Variants in TRPM3 observed in about 807,000 individuals in gnomAD.
TRPM3 encodes the protein transient receptor potential cation channel subfamily M member 3.
In TRPM3, 77 loss-of-function variants were observed where a neutral mutation model predicts 181.2. The observed-to-expected ratio is 0.42, with a 90% CI of 0.35 to 0.51. The LOEUF (loss-of-function observed/expected upper bound fraction) is 0.51, where lower values mean the gene tolerates loss of function less well. TRPM3 is among the 20% of genes least tolerant of loss of function. The probability of loss-of-function intolerance (pLI) is 0.01; values close to 1 mark genes in which losing one functional copy is unlikely to be tolerated. For synonymous variants in TRPM3, 745 were observed against 796.4 expected (o/e 0.94, Z 1.09); for missense variants, 1,759 against 2,196.7 (o/e 0.80, Z 3.98).
intron 22 of TRPM3, among the ~76,000 whole-genome samples, chr9:70,584,045 G>C (rs1163011191): frequency 1.3e-5 from 2 of 151,874 alleles, no homozygotes; most frequent in Non-Finnish European, 2.9e-5. Context: ...CTGCTTTCTT[G>C]TACCTTTTTT....
chr9:70,797,460 A>C (rs1178248600), intron 6 of TRPM3, among the ~76,000 whole-genome samples: 18 of 152,156 alleles, frequency 1.2e-4, no homozygotes. Flanking sequence ...TTTTAGGAAA[A>C]GCCCACTCCT....
At chr9:70,542,384 CT>C (rs1012822278) in intron 25 of TRPM3, among the ~76,000 whole-genome samples, 27 of 152,144 alleles carry the variant, frequency 1.8e-4, no homozygotes, top group African/African-American at 5.6e-4. Flanking sequence ...TGAAATTTCC[CT>C]CTTTCATATC....
intron 9 of TRPM3, among the ~76,000 whole-genome samples, chr9:70,654,075 T>G (rs1325351865): frequency 6.6e-6 from 1 of 151,758 alleles, no homozygotes; most frequent in African/African-American, 2.4e-5. Flanking sequence ...CTTGGCTCTT[T>G]TTTTTTTTCT....
Position 71,032,059 on chromosome 9 carries a change from T to A in TRPM3, c.177+89119A>T, listed in dbSNP as rs865855296. 0.07 allele frequency among the ~76,000 whole-genome samples: 93 copies of A among 1,332 alleles called. 15 individuals carry two copies. In the East Asian group the frequency reaches 0.75, roughly 11 times the overall value. 0.9% of individuals were successfully genotyped at this position (1,332 alleles called of 152,430 possible). On this transcript the variant is annotated intron_variant, in intron 1 of 25. Coordinates refer to ENST00000677713, the MANE Select transcript of TRPM3 (RefSeq NM_001366145.2). ...ATATATATATATATATTATATATAT[T>A]ATATATATTATATTATATTATATAT...
chr9:71,078,422 A>T (rs1164832869), intron 1 of TRPM3, among the ~76,000 whole-genome samples: 1 of 152,164 alleles, frequency 6.6e-6, no homozygotes, highest in African/African-American at 2.4e-5. Context: ...GGAATTTTTA[A>T]TAGTAATTGC....
At chr9:71,151,624 C>T (rs1298308059) in intron 1 of TRPM3, among the ~76,000 whole-genome samples, 2 of 152,042 alleles carry the variant, frequency 1.3e-5, no homozygotes, top group African/African-American at 4.8e-5. Flanking sequence ...ATAGAGTACT[C>T]ACCCATTAGT....
chr9:71,093,884 C>T (rs1199500727), intron 1 of TRPM3, among the ~76,000 whole-genome samples: 1 of 152,072 alleles, frequency 6.6e-6, no homozygotes, highest in Non-Finnish European at 1.5e-5. Context: ...GGCACATATA[C>T]ACCATGGGAT....
chr9:70,940,122 G>A (rs986237898), intron 1 of TRPM3, among the ~76,000 whole-genome samples: 10 of 152,044 alleles, frequency 6.6e-5, no homozygotes, highest in African/African-American at 2.4e-4. Flanking sequence ...CATTTCCTGA[G>A]GAACAATAAT....
At chr9:70,943,985 G>A (rs1304617450) in intron 1 of TRPM3, among the ~76,000 whole-genome samples, 4 of 152,090 alleles carry the variant, frequency 2.6e-5, no homozygotes, top group Admixed American at 2.6e-4. Context: ...TCACCATACT[G>A]GTAAGGCTGG....
intron 1 of TRPM3, among the ~76,000 whole-genome samples, chr9:71,028,099 A>C (rs1026024382): frequency 6.6e-6 from 1 of 152,232 alleles, no homozygotes; most frequent in Non-Finnish European, 1.5e-5. Context: ...GAAGTCTATT[A>C]GACTAGCAGC....
intron 1 of TRPM3, among the ~76,000 whole-genome samples, chr9:71,319,123 G>T (rs1256920402): frequency 7.0e-6 from 1 of 142,822 alleles, no homozygotes; most frequent in African/African-American, 2.5e-5. Flanking sequence ...TCCCTTAGTG[G>T]GCAAATTGAT....
intron 7 of TRPM3, among the ~76,000 whole-genome samples, chr9:70,766,338 G>A (rs529052505): frequency 5.9e-5 from 9 of 152,198 alleles, no homozygotes; most frequent in African/African-American, 2.2e-4. Context: ...TGCAATATTA[G>A]AGTTTTGTTC....
chr9:70,792,409 A>T (rs1032339448), intron 6 of TRPM3, among the ~76,000 whole-genome samples: 6 of 151,998 alleles, frequency 3.9e-5, no homozygotes, highest in African/African-American at 1.5e-4. Context: ...GGGAGAGATC[A>T]CATGGCCCCA....
intron 1 of TRPM3, among the ~76,000 whole-genome samples, chr9:71,061,583 T>C (rs2061339302): frequency 6.6e-6 from 1 of 152,132 alleles, no homozygotes; most frequent in Non-Finnish European, 1.5e-5. Context: ...AATTTTGGTA[T>C]GTACTAGGTG....
intron 1 of TRPM3, among the ~76,000 whole-genome samples, chr9:71,060,722 C>A (rs1442182264): frequency 6.6e-6 from 1 of 151,996 alleles, no homozygotes; most frequent in Non-Finnish European, 1.5e-5. Flanking sequence ...CAGGGCAAGC[C>A]CTTATTTGTC....
chr9:70,864,565 T>G, intron 1 of TRPM3, 54 bp from the exon 2 acceptor site: 65 of 1,231,060 alleles, frequency 5.3e-5, no homozygotes, highest in Non-Finnish European at 6.2e-5. Context: ...AAGGTGAACA[T>G]ACCGTGAAAT....
intron 1 of TRPM3, among the ~76,000 whole-genome samples, chr9:71,381,387 A>G (rs1251107702): frequency 6.6e-6 from 1 of 152,124 alleles, no homozygotes; most frequent in African/African-American, 2.4e-5. Context: ...CTAATGGGAA[A>G]TAAGATTCCC....
At chr9:71,315,193 C>T (rs952466363) in intron 1 of TRPM3, among the ~76,000 whole-genome samples, 7 of 152,160 alleles carry the variant, frequency 4.6e-5, no homozygotes, top group African/African-American at 1.7e-4. Context: ...TCAAGGAAGA[C>T]TGAAATCAAA....
At chr9:71,355,836 T>C (rs987360190) in intron 1 of TRPM3, among the ~76,000 whole-genome samples, 2 of 107,006 alleles carry the variant, frequency 1.9e-5, no homozygotes, top group Non-Finnish European at 4.3e-5. Flanking sequence ...ACACAAAATA[T>C]TCCATTTTTT....
Sources: gnomAD v4.1 joint callset for allele counts (sites outside exome capture counted in the v4.1 genomes callset) on GRCh38, gnomAD v4.1.1 for gene constraint, MANE v1.5 for transcripts, NCBI Gene and HGNC (gene_info 2026-07-23, HGNC 2026-07-21) for gene names.